SLC35D4: variants seen among roughly 807,000 people sequenced by gnomAD.
SLC35D4 encodes solute carrier family 35 member D4, also known as UDP-N-acetylglucosamine transporter SLC35D4.
chr18:23,286,895 C>T, the SLC35D4 span, among the ~76,000 whole-genome samples: 1 of 151,958 alleles, frequency 6.6e-6, no homozygotes, highest in Non-Finnish European at 1.5e-5. Flanking sequence ...CCCTTCTTCC[C>T]AATCCAAAGC....
At chr18:23,364,949 G>C in the SLC35D4 span, among the ~76,000 whole-genome samples, 1 of 121,182 alleles carries the variant, frequency 8.3e-6, no homozygotes, top group African/African-American at 3.1e-5. Flanking sequence ...CCTTTCTTCT[G>C]GAATTATGAG....
chr18:23,331,468 C>T, the SLC35D4 span: 1 of 152,252 alleles, frequency 6.6e-6, no homozygotes, highest in Non-Finnish European at 1.5e-5. Flanking sequence ...GCTGCCGGGC[C>T]TGTTTTTCCT....
At chr18:23,309,556 G>T in the SLC35D4 span, 3 of 746,266 alleles carry the variant, frequency 4.0e-6, no homozygotes, top group South Asian at 1.8e-5. Context: ...TATGAGATTT[G>T]CATTTGGATG....
At chr18:23,283,490 A>G in the SLC35D4 span, among the ~76,000 whole-genome samples, 386 of 149,460 alleles carry the variant, frequency 2.6e-3, 3 homozygotes, top group Middle Eastern at 0.01. Flanking sequence ...AAAAAAAAAA[A>G]AAAGAAAGAA....
chr18:23,286,773 G>T, the SLC35D4 span, among the ~76,000 whole-genome samples: 3 of 151,784 alleles, frequency 2.0e-5, no homozygotes, highest in Non-Finnish European at 4.4e-5. Flanking sequence ...ACTCTTTTAA[G>T]CACTCCTTTT....
At chr18:23,378,689 T>C in the SLC35D4 span, among the ~76,000 whole-genome samples, 1 of 152,210 alleles carries the variant, frequency 6.6e-6, no homozygotes, top group Non-Finnish European at 1.5e-5. Context: ...CTATATTTGA[T>C]AGAGGAAATG....
At chr18:23,393,727 C>T in the SLC35D4 span, among the ~76,000 whole-genome samples, 3 of 152,124 alleles carry the variant, frequency 2.0e-5, no homozygotes, top group African/African-American at 7.2e-5. Context: ...AAGCAATTCT[C>T]CTGCCTCAGC....
the SLC35D4 span, among the ~76,000 whole-genome samples, chr18:23,430,456 C>T: frequency 6.6e-6 from 1 of 152,144 alleles, no homozygotes; most frequent in South Asian, 2.1e-4. Context: ...TGTCTAGTAA[C>T]ATTGTTTTCA....
At chr18:23,298,113 C>T in the SLC35D4 span, 1 of 1,611,156 alleles carries the variant, frequency 6.2e-7, no homozygotes, top group South Asian at 1.1e-5. Context: ...CCCGGGACCC[C>T]TGAGCTGCCT....
chr18:23,310,175 C>G, the SLC35D4 span: 138 of 981,284 alleles, frequency 1.4e-4, no homozygotes, highest in Non-Finnish European at 1.7e-4. Context: ...AAAAACTTAT[C>G]TGTCACCCAG....
At chr18:23,421,956 C>T in the SLC35D4 span, among the ~76,000 whole-genome samples, 753 of 151,908 alleles carry the variant, frequency 5.0e-3, 10 homozygotes, top group African/African-American at 0.017. Context: ...GCATTATAGG[C>T]TTGAGCCACC....
the SLC35D4 span, among the ~76,000 whole-genome samples, chr18:23,304,742 A>G: frequency 6.6e-6 from 1 of 152,074 alleles, no homozygotes; most frequent in South Asian, 2.1e-4. Flanking sequence ...TCAGAGCCCC[A>G]GTTCTGGTTA....
chr18:23,248,313 T>C, the SLC35D4 span, among the ~76,000 whole-genome samples: 1 of 151,982 alleles, frequency 6.6e-6, no homozygotes, highest in African/African-American at 2.4e-5. Context: ...TAGTGGTAAA[T>C]GCAATCAGCA....
At chr18:23,268,836 C>T in the SLC35D4 span, among the ~76,000 whole-genome samples, 1 of 151,704 alleles carries the variant, frequency 6.6e-6, no homozygotes, top group Non-Finnish European at 1.5e-5. Flanking sequence ...ATACATACTA[C>T]AACAATAAAG....
the SLC35D4 span, among the ~76,000 whole-genome samples, chr18:23,305,379 G>GT: frequency 6.6e-6 from 1 of 152,166 alleles, no homozygotes; most frequent in Non-Finnish European, 1.5e-5. Flanking sequence ...AATCCTTGGT[G>GT]TTTTTCAATT....
the SLC35D4 span, among the ~76,000 whole-genome samples, chr18:23,288,634 G>A: frequency 2.0e-5 from 3 of 152,084 alleles, no homozygotes; most frequent in African/African-American, 7.2e-5. Context: ...GGTCTAGGTA[G>A]ACACTTCCAC....
the SLC35D4 span, among the ~76,000 whole-genome samples, chr18:23,434,825 T>C: frequency 6.7e-6 from 1 of 149,298 alleles, no homozygotes; most frequent in Non-Finnish European, 1.5e-5. Flanking sequence ...TAAAAGGCCA[T>C]GGGGCTCCAA....
chr18:23,244,631 C>T, the SLC35D4 span, among the ~76,000 whole-genome samples: 3 of 152,180 alleles, frequency 2.0e-5, no homozygotes, highest in East Asian at 1.9e-4. Flanking sequence ...CAGCTGAGCC[C>T]GAATGCCGGT....
the SLC35D4 span, among the ~76,000 whole-genome samples, chr18:23,383,905 C>T: frequency 3.5e-5 from 5 of 144,820 alleles, no homozygotes; most frequent in East Asian, 2.1e-4. Flanking sequence ...GGGGGGAGAT[C>T]GGGTATGGTC....
Sources: gnomAD v4.1 joint callset for allele counts (sites outside exome capture counted in the v4.1 genomes callset) on GRCh38, gnomAD v4.1.1 for gene constraint, MANE v1.5 for transcripts, NCBI Gene and HGNC (gene_info 2026-07-23, HGNC 2026-07-21) for gene names.